THRB: variants seen among roughly 807,000 people sequenced by gnomAD.
The protein encoded by THRB is thyroid hormone receptor beta.
THRB carries 12 observed loss-of-function variants against 47.8 expected under a neutral mutation model. The ratio of observed to expected loss-of-function variants is 0.25; its 90% CI spans 0.16 to 0.41. THRB has a LOEUF of 0.41. Ranked by LOEUF, THRB falls within the 10% of genes least tolerant of loss-of-function variation. The probability of loss-of-function intolerance (pLI) is 1.00; values close to 1 mark genes in which losing one functional copy is unlikely to be tolerated. For missense variants in THRB, 348 were observed against 589.2 expected, an observed-to-expected ratio of 0.59 and a Z score of 4.24; for synonymous variants, 218 against 212.2, an observed-to-expected ratio of 1.03 and a Z score of -0.24.
At chr3:24,402,430 C>T (rs942441022) in intron 1 of THRB, among the ~76,000 whole-genome samples, 2 of 149,540 alleles carry the variant, frequency 1.3e-5, no homozygotes, top group African/African-American at 2.5e-5. Context: ...TGCTGTTCTA[C>T]TTTTTTGGTC....
intron 4 of THRB, among the ~76,000 whole-genome samples, chr3:24,212,333 G>A (rs1397794386): frequency 6.6e-6 from 1 of 152,152 alleles, no homozygotes; most frequent in Non-Finnish European, 1.5e-5. Context: ...GGGAGGCGGA[G>A]GTTGTAGGGA....
intron 1 of THRB, among the ~76,000 whole-genome samples, chr3:24,456,293 A>C: frequency 6.6e-6 from 1 of 151,982 alleles, no homozygotes; most frequent in Non-Finnish European, 1.5e-5. Flanking sequence ...CATGATAGCA[A>C]CACTGTAATC....
intron 1 of THRB, among the ~76,000 whole-genome samples, chr3:24,467,188 C>T (rs2125715735): frequency 6.6e-6 from 1 of 152,326 alleles, no homozygotes; most frequent in South Asian, 2.1e-4. Context: ...ACTCCTTAAC[C>T]ATAGAAGTTT....
chr3:24,410,756 C>G (rs1282144535), intron 1 of THRB, among the ~76,000 whole-genome samples: 1 of 151,764 alleles, frequency 6.6e-6, no homozygotes, highest in East Asian at 2.0e-4. Flanking sequence ...AATTCAAAAG[C>G]AAAGTAAAAG....
chr3:24,477,007 A>ATTTTTTTTTTTTTTTTTTTTTTT (rs558247174), intron 1 of THRB, among the ~76,000 whole-genome samples: 32 of 126,452 alleles, frequency 2.5e-4, no homozygotes, highest in African/African-American at 9.0e-4. Flanking sequence ...GGTTTTCAAG[A>ATTTTTTTTTTTTTTTTTTTTTTT]TTTTTTTTTT....
At chr3:24,385,412 T>C (rs998355932) in intron 1 of THRB, among the ~76,000 whole-genome samples, 23 of 145,320 alleles carry the variant, frequency 1.6e-4, no homozygotes, top group Middle Eastern at 3.6e-3. Flanking sequence ...CACACACACA[T>C]ACACACACAC....
At chr3:24,192,102 T>G (rs943031887) in intron 4 of THRB, among the ~76,000 whole-genome samples, 1 of 152,210 alleles carries the variant, frequency 6.6e-6, no homozygotes, top group Non-Finnish European at 1.5e-5. Context: ...GGTGTGGACT[T>G]CTACCACTTT....
At chr3:24,446,877 C>G (rs1026639565) in intron 1 of THRB, among the ~76,000 whole-genome samples, 10 of 152,256 alleles carry the variant, frequency 6.6e-5, no homozygotes, top group Admixed American at 2.0e-4. Flanking sequence ...GATCTTGAGA[C>G]AGGGAGCTTA....
intron 3 of THRB, among the ~76,000 whole-genome samples, chr3:24,263,644 T>C (rs2052329063): frequency 6.6e-6 from 1 of 151,326 alleles, no homozygotes. Flanking sequence ...TGGCATTCCT[T>C]CCATACCAGC....
At chr3:24,461,645 T>C (rs936333017) in intron 1 of THRB, among the ~76,000 whole-genome samples, 2 of 152,228 alleles carry the variant, frequency 1.3e-5, no homozygotes, top group Admixed American at 1.3e-4. Context: ...TTGCATTAAC[T>C]ATAAGCCAAC....
At chr3:24,475,689 C>T (rs989904766) in intron 1 of THRB, among the ~76,000 whole-genome samples, 5 of 152,174 alleles carry the variant, frequency 3.3e-5, no homozygotes, top group Admixed American at 2.6e-4. Context: ...TAGGCGAGAA[C>T]ACCAGGTATC....
chr3:24,256,865 G>A (rs547124412), intron 3 of THRB, among the ~76,000 whole-genome samples: 78 of 152,356 alleles, frequency 5.1e-4, no homozygotes, highest in African/African-American at 1.5e-3. Context: ...GGAAGAGTAT[G>A]TTGAACAGAG....
At chr3:24,425,792 T>C (rs1560155921) in intron 1 of THRB, among the ~76,000 whole-genome samples, 1 of 151,960 alleles carries the variant, frequency 6.6e-6, no homozygotes, top group South Asian at 2.1e-4. Flanking sequence ...GGCTACCAGT[T>C]GGACAACCTA....
intron 3 of THRB, among the ~76,000 whole-genome samples, chr3:24,284,505 C>G (rs1403388285): frequency 2.0e-5 from 3 of 151,906 alleles, no homozygotes; most frequent in African/African-American, 7.3e-5. Flanking sequence ...CATTGCCATT[C>G]AGGACATAGG....
chr3:24,238,145 A>G (rs1214124795), intron 3 of THRB: 1 of 152,096 alleles, frequency 6.6e-6, no homozygotes. Context: ...AACGTCTGAC[A>G]GCAGGAAAAA....
chr3:24,233,196 A>T (rs1313902314), intron 3 of THRB, among the ~76,000 whole-genome samples: 1 of 152,198 alleles, frequency 6.6e-6, no homozygotes, highest in Non-Finnish European at 1.5e-5. Context: ...CTGAAACTGA[A>T]AAGTAAATGG....
intron 2 of THRB, among the ~76,000 whole-genome samples, chr3:24,321,434 C>T (rs1253985917): frequency 1.3e-5 from 2 of 152,040 alleles, no homozygotes; most frequent in South Asian, 2.1e-4. Flanking sequence ...ATAAATGATA[C>T]ATTTTTCATT....
chr3:24,382,908 A>AGGCACC (rs1326762406), intron 1 of THRB, among the ~76,000 whole-genome samples: 5 of 151,982 alleles, frequency 3.3e-5, no homozygotes, highest in African/African-American at 1.2e-4. Flanking sequence ...TAACCATTCC[A>AGGCACC]GGCACCCTCA....
chr3:24,247,826 A>C (rs2050255386), intron 3 of THRB, among the ~76,000 whole-genome samples: 1 of 152,168 alleles, frequency 6.6e-6, no homozygotes, highest in African/African-American at 2.4e-5. Flanking sequence ...AATTTTCTAC[A>C]ATTTTTCTAT....
Sources: gnomAD v4.1 joint callset for allele counts (sites outside exome capture counted in the v4.1 genomes callset) on GRCh38, gnomAD v4.1.1 for gene constraint, MANE v1.5 for transcripts, NCBI Gene and HGNC (gene_info 2026-07-23, HGNC 2026-07-21) for gene names.